The following SPOCK3 variants were observed in gnomAD, a reference collection of about 807,000 sequenced individuals.
SPOCK3 encodes the protein testican-3.
Under a neutral mutation model 56.6 loss-of-function variants are expected in SPOCK3, and 30 were observed. The observed-to-expected ratio is 0.53, with a 90% CI of 0.40 to 0.72. SPOCK3 has a LOEUF of 0.72. Among genes scored for constraint, SPOCK3 ranks in the 30% least tolerant of loss-of-function variants. The probability of loss-of-function intolerance (pLI) is 0.00; values close to 1 mark genes in which losing one functional copy is unlikely to be tolerated. For synonymous variants in SPOCK3, 196 were observed against 183.3 expected (o/e 1.07, Z -0.56); for missense variants, 527 against 530.0 (o/e 0.99, Z 0.06).
intron 6 of SPOCK3, among the ~76,000 whole-genome samples, chr4:166,795,360 G>T (rs1186582912): frequency 6.6e-6 from 1 of 152,044 alleles, no homozygotes; most frequent in Non-Finnish European, 1.5e-5. Flanking sequence ...ATTCAGAAAG[G>T]TTCATGTGTA....
intron 8 of SPOCK3, among the ~76,000 whole-genome samples, chr4:166,748,832 T>C (rs1341526644): frequency 7.3e-6 from 1 of 136,910 alleles, no homozygotes; most frequent in Admixed American, 7.0e-5. Flanking sequence ...GTAAAGGATA[T>C]GAACAGACAT....
intron 4 of SPOCK3, among the ~76,000 whole-genome samples, chr4:166,931,534 T>C (rs1394521349): frequency 6.6e-6 from 1 of 152,234 alleles, no homozygotes; most frequent in Non-Finnish European, 1.5e-5. Flanking sequence ...CAGAGATTTA[T>C]GCATATCTTA....
chr4:166,749,169 T>C (rs1736033438), intron 8 of SPOCK3, among the ~76,000 whole-genome samples: 1 of 137,354 alleles, frequency 7.3e-6, no homozygotes, highest in Non-Finnish European at 1.5e-5. Flanking sequence ...ATCATGCTAC[T>C]ATAAAGACAC....
chr4:166,738,591 G>T (rs576394289), intron 9 of SPOCK3, among the ~76,000 whole-genome samples: 1 of 147,636 alleles, frequency 6.8e-6, no homozygotes, highest in Admixed American at 6.7e-5. Flanking sequence ...TTAGCATTAG[G>T]TATATCTCCT....
chr4:167,134,192 C>A (rs1411822465), intron 2 of SPOCK3, among the ~76,000 whole-genome samples: 2 of 143,566 alleles, frequency 1.4e-5, no homozygotes, highest in Admixed American at 7.0e-5. Flanking sequence ...CTGAGCCTGG[C>A]TAGTTTTTTT....
chr4:167,075,398 T>C (rs531825575), intron 2 of SPOCK3, among the ~76,000 whole-genome samples: 84 of 152,038 alleles, frequency 5.5e-4, no homozygotes, highest in African/African-American at 2.0e-3. Flanking sequence ...CACCAATCTG[T>C]GGACCATTCT....
intron 6 of SPOCK3, among the ~76,000 whole-genome samples, chr4:166,828,024 A>T (rs1283251417): frequency 6.6e-6 from 1 of 152,106 alleles, no homozygotes; most frequent in African/African-American, 2.4e-5. Context: ...AAGAAAATAC[A>T]TCAGAAAAAT....
chr4:166,762,220 G>A (rs1737337171), intron 7 of SPOCK3, among the ~76,000 whole-genome samples: 1 of 151,976 alleles, frequency 6.6e-6, no homozygotes, highest in African/African-American at 2.4e-5. Flanking sequence ...CCTTGGTTCT[G>A]GAAATGTAAG....
chr4:167,124,177 G>A (rs1010049006), intron 2 of SPOCK3, among the ~76,000 whole-genome samples: 1 of 152,128 alleles, frequency 6.6e-6, no homozygotes, highest in African/African-American at 2.4e-5. Context: ...AATGGCCCAA[G>A]GCTACAGACT....
intron 2 of SPOCK3, among the ~76,000 whole-genome samples, chr4:167,116,400 T>C (rs1001842540): frequency 2.0e-5 from 3 of 147,538 alleles, no homozygotes; most frequent in African/African-American, 7.4e-5. Flanking sequence ...TTTGTAAATA[T>C]ATATACACAA....
intron 9 of SPOCK3, among the ~76,000 whole-genome samples, chr4:166,738,384 A>G (rs1298779015): frequency 6.6e-6 from 1 of 151,792 alleles, no homozygotes; most frequent in Non-Finnish European, 1.5e-5. Context: ...AACACAGTCT[A>G]TTGGGAATAG....
At chr4:167,166,280 T>TA (rs1366625731) in intron 2 of SPOCK3, among the ~76,000 whole-genome samples, 1 of 152,114 alleles carries the variant, frequency 6.6e-6, no homozygotes, top group Non-Finnish European at 1.5e-5. Flanking sequence ...AGTCAGTACC[T>TA]AACATTCCAA....
chr4:166,832,925 G>A (rs547549716), intron 6 of SPOCK3, among the ~76,000 whole-genome samples: 7 of 152,210 alleles, frequency 4.6e-5, no homozygotes, highest in South Asian at 2.1e-4. Flanking sequence ...GAAGGTGGAC[G>A]AGGATTGAAA....
At chr4:166,832,218 C>A (rs1389386503) in intron 6 of SPOCK3, among the ~76,000 whole-genome samples, 1 of 151,910 alleles carries the variant, frequency 6.6e-6, no homozygotes, top group South Asian at 2.1e-4. Context: ...AGTTTGAGGC[C>A]TTACATTTAA....
chr4:166,901,162 C>A (rs1736004551), intron 5 of SPOCK3, among the ~76,000 whole-genome samples: 1 of 152,250 alleles, frequency 6.6e-6, no homozygotes, highest in Admixed American at 6.5e-5. Context: ...GACGTCTTTC[C>A]CACCTCCCCT....
rs1272543394 is a variant in SPOCK3, at chr4:167,089,415, T to C, written c.190-26878A>G. ...GAATTTTAAAAATATCAGTTTTTGC[T>C]CTGTTTTCTAATTCTTTTAGCCCGT... On this transcript the variant is annotated intron_variant, in intron 2 of 10. Transcript: ENST00000357545. 3.3e-5 allele frequency among the ~76,000 whole-genome samples: 5 copies of C among 152,262 alleles called. No homozygotes were observed. The East Asian group carries it at 7.7e-4, about 24-fold the overall frequency.
intron 6 of SPOCK3, among the ~76,000 whole-genome samples, chr4:166,816,899 CCT>C (rs1330100712): frequency 6.6e-6 from 1 of 151,902 alleles, no homozygotes; most frequent in African/African-American, 2.4e-5. Flanking sequence ...GGTTTGATGC[CCT>C]TTTATCTTAA....
intron 2 of SPOCK3, among the ~76,000 whole-genome samples, chr4:167,158,218 T>G (rs1764976881): frequency 6.6e-6 from 1 of 151,982 alleles, no homozygotes; most frequent in Admixed American, 6.6e-5. Flanking sequence ...AGATGTTTTT[T>G]AAAAAATATA....
chr4:166,895,509 A>G (rs1386232986), intron 5 of SPOCK3, among the ~76,000 whole-genome samples: 1 of 152,084 alleles, frequency 6.6e-6, no homozygotes, highest in Non-Finnish European at 1.5e-5. Context: ...CAAAGAAAAG[A>G]CTTTGAATAC....
Sources: gnomAD v4.1 joint callset for allele counts (sites outside exome capture counted in the v4.1 genomes callset) on GRCh38, gnomAD v4.1.1 for gene constraint, MANE v1.5 for transcripts, NCBI Gene and HGNC (gene_info 2026-07-23, HGNC 2026-07-21) for gene names.